The following CHD7 variants were observed in gnomAD, a reference collection of about 807,000 sequenced individuals.
CHD7 encodes the protein ATP-dependent chromatin remodeler CHD7.
In CHD7, 24 loss-of-function variants were observed where a neutral mutation model predicts 307.3. The ratio of observed to expected loss-of-function variants is 0.08; its 90% CI spans 0.06 to 0.11. CHD7 has a LOEUF of 0.11. Ranked by LOEUF, CHD7 falls within the 10% of genes least tolerant of loss-of-function variation. The pLI is 1.00. For missense variants in CHD7, 3,106 were observed against 3,727.1 expected, an observed-to-expected ratio of 0.83 and a Z score of 4.34; for synonymous variants, 1,363 against 1,349.9, an observed-to-expected ratio of 1.01 and a Z score of -0.21.
chr8:60,779,714 G>T (rs527348570), intron 2 of CHD7, among the ~76,000 whole-genome samples: 6 of 152,214 alleles, frequency 3.9e-5, no homozygotes, highest in Non-Finnish European at 8.8e-5. Context: ...AGGCTCTGGA[G>T]ATGTGGGCCT....
chr8:60,793,013 G>A (rs1811846382), intron 3 of CHD7, among the ~76,000 whole-genome samples: 2 of 152,258 alleles, frequency 1.3e-5, no homozygotes, highest in South Asian at 2.1e-4. Context: ...TTAGTCAGTG[G>A]CATCCAGCCA....
Position 60,741,347 on chromosome 8 carries a change from T to C in CHD7, c.-86T>C, listed in dbSNP as rs1808990564. The C allele has an allele frequency of 1.1e-6, 1 of 912,756 alleles. No homozygotes were observed. The highest frequency in any genetic ancestry group is 1.7e-5 in the South Asian group (1 of 58,178). The allele number at this position is 912,756 out of a possible 1,614,324, so 56.5% of individuals were successfully genotyped here. ...CATGAAGAAGATTAGTTAAGGATTATAGGCTTTGAGGGCAAACACCTCAGT... is the reference window on the plus strand; with the variant it reads ...CATGAAGAAGATTAGTTAAGGATTACAGGCTTTGAGGGCAAACACCTCAGT... On this transcript the variant is annotated 5_prime_UTR_variant, in exon 2 of 38. Transcript: ENST00000423902.
chr8:60,830,774 A>C (rs1299542324), intron 15 of CHD7, among the ~76,000 whole-genome samples, 197 bp downstream of exon 15: 1 of 152,102 alleles, frequency 6.6e-6, no homozygotes. Context: ...TGCCCCAGCA[A>C]TCCCTGAAGT....
intron 11 of CHD7, 54 bp from the exon 12 acceptor site, chr8:60,822,449 C>G: frequency 6.5e-7 from 1 of 1,543,658 alleles, no homozygotes; most frequent in Non-Finnish European, 8.9e-7. Context: ...GAAATGACAG[C>G]AGTGTGTCAT....
intron 14 of CHD7, among the ~76,000 whole-genome samples, chr8:60,830,048 A>T (rs1333694646): frequency 3.3e-5 from 5 of 152,200 alleles, no homozygotes; most frequent in African/African-American, 1.2e-4. Context: ...AAGCTACATG[A>T]ATCAGTTGGA....
intron 15 of CHD7, among the ~76,000 whole-genome samples, chr8:60,833,239 A>C (rs1024121826): frequency 3.3e-5 from 5 of 152,268 alleles, no homozygotes; most frequent in Non-Finnish European, 7.3e-5. Context: ...GATTATGAAA[A>C]ATAGAAGCAA....
intron 15 of CHD7, among the ~76,000 whole-genome samples, chr8:60,834,975 T>C (rs1429116744): frequency 1.3e-5 from 2 of 152,140 alleles, no homozygotes; most frequent in African/African-American, 2.4e-5. Flanking sequence ...TAAAAACCAG[T>C]GGTAGGAAGG....
intron 1 of CHD7, among the ~76,000 whole-genome samples, chr8:60,695,976 C>T (rs1806446496): frequency 6.6e-6 from 1 of 152,064 alleles, no homozygotes; most frequent in Admixed American, 6.6e-5. Flanking sequence ...TCATCTATCC[C>T]AAGGAAAAAT....
At chr8:60,841,412 A>G (rs901464085) in intron 19 of CHD7, among the ~76,000 whole-genome samples, 5 of 152,162 alleles carry the variant, frequency 3.3e-5, no homozygotes, top group African/African-American at 4.8e-5. Flanking sequence ...GCACTGGTCT[A>G]TACACTTGCT....
Position 60,742,913 on chromosome 8 carries a change from G to A in CHD7, c.1481G>A (p.Arg494Gln), listed in dbSNP as rs1024117364. The A allele has an allele frequency of 1.9e-6, 3 of 1,612,720 alleles. No homozygotes were observed. The highest frequency in any genetic ancestry group is 2.7e-5 in the African/African-American group (2 of 75,018). Residue 494 changes from arginine to glutamine, a missense_variant, in exon 2 of 38, where the codon CGA (arginine) becomes CAA (glutamine). Physicochemically the swap from Arg to Gln is conservative, Grantham distance 43 (BLOSUM62 1). Coordinates refer to ENST00000423902, the MANE Select transcript of CHD7 (RefSeq NM_017780.4). ...GGAGACCCACAAGCAATCCAGGAAC[G>A]ACTGATACCTGGCCAACAACATCCT... ...GLGDPQAIQE[R>Q]LIPGQQHPGQ... is the part of the protein sequence containing the mutation.
intron 2 of CHD7, 36 bp from the exon 3 acceptor site, chr8:60,780,964 G>A (rs1421794744): frequency 6.7e-7 from 1 of 1,482,944 alleles, no homozygotes. Context: ...TGTGAAGAAT[G>A]ATAAACTAAT....
At chr8:60,759,863 GTCATTCAT>G (rs149275093) in intron 2 of CHD7, among the ~76,000 whole-genome samples, 10 of 152,250 alleles carry the variant, frequency 6.6e-5, no homozygotes, top group Admixed American at 5.2e-4. Context: ...TCTTATTGAG[GTCATTCAT>G]TCATTCATTC....
chr8:60,738,255 C>T lies in CHD7; in HGVS notation c.-174-3004C>T, dbSNP rs551569201. On this transcript the variant is annotated intron_variant, in intron 1 of 37. Coordinates refer to ENST00000423902, the MANE Select transcript of CHD7 (RefSeq NM_017780.4). ...GTTTCAAAGACTCAATACCAAAATACGTAAACTAGCTTATTCATTTTTTTA... is the reference window on the plus strand; with the variant it reads ...GTTTCAAAGACTCAATACCAAAATATGTAAACTAGCTTATTCATTTTTTTA... 1.1e-3 allele frequency among the ~76,000 whole-genome samples: 163 copies of T among 152,200 alleles called. 1 individual carries two copies. The highest frequency in any genetic ancestry group is 2.0e-3 in the Non-Finnish European group (137 of 68,008).
intron 4 of CHD7, among the ~76,000 whole-genome samples, chr8:60,798,714 A>G (rs1375161740): frequency 6.6e-6 from 1 of 152,008 alleles, no homozygotes; most frequent in African/African-American, 2.4e-5. Context: ...TTGTGTCAAA[A>G]TTTTCCTCAA....
chr8:60,810,275 G>T (rs145420971), intron 7 of CHD7, among the ~76,000 whole-genome samples: 108 of 150,898 alleles, frequency 7.2e-4, no homozygotes, highest in African/African-American at 1.9e-3. Flanking sequence ...TTCAGTGAAG[G>T]GGGGGGCATT....
chr8:60,863,726 A>G (rs1322773742), intron 37 of CHD7: 2 of 148,482 alleles, frequency 1.3e-5, no homozygotes, highest in Non-Finnish European at 3.0e-5. Flanking sequence ...CCCATACAAT[A>G]TCTTTTTTTT....
At chr8:60,710,906 A>G (rs923723516) in intron 1 of CHD7, among the ~76,000 whole-genome samples, 1 of 152,244 alleles carries the variant, frequency 6.6e-6, no homozygotes, top group African/African-American at 2.4e-5. Context: ...ACAGGAAACT[A>G]TTGAGTTTGT....
chr8:60,690,884 A>G (rs769443261), intron 1 of CHD7, among the ~76,000 whole-genome samples: 1 of 152,174 alleles, frequency 6.6e-6, no homozygotes, highest in African/African-American at 2.4e-5. Context: ...TCTGCAGCTC[A>G]GTATTTTCAG....
chr8:60,760,074 G>A (rs1485508088), intron 2 of CHD7, among the ~76,000 whole-genome samples: 1 of 152,188 alleles, frequency 6.6e-6, no homozygotes, highest in Non-Finnish European at 1.5e-5. Context: ...GGAAGAGGTA[G>A]ACTGTTCAGT....
Sources: allele counts gnomAD v4.1 joint callset (sites outside exome capture counted in the v4.1 genomes callset), GRCh38; gene constraint gnomAD v4.1.1; transcripts MANE v1.5; gene names NCBI Gene and HGNC (gene_info 2026-07-23, HGNC 2026-07-21).